The following LRRTM4 variants were observed in gnomAD, a reference collection of about 807,000 sequenced individuals.
The protein encoded by LRRTM4 is leucine-rich repeat transmembrane neuronal protein 4.
A neutral mutation model predicts 47.6 loss-of-function variants in LRRTM4; 25 were observed. That is an observed-to-expected ratio of 0.53 (90% confidence interval 0.38 to 0.73). LRRTM4 has a LOEUF of 0.73. LRRTM4 is among the 30% of genes least tolerant of loss of function. The pLI is 0.00. For synonymous variants in LRRTM4, 311 were observed against 269.5 expected (o/e 1.15, Z -1.51); for missense variants, 638 against 713.4 (o/e 0.89, Z 1.20).
At chr2:77,473,478 C>T (rs1278912640) in intron 3 of LRRTM4, among the ~76,000 whole-genome samples, 1 of 152,052 alleles carries the variant, frequency 6.6e-6, no homozygotes, top group African/African-American at 2.4e-5. Flanking sequence ...CACCTGATAG[C>T]TCTATTAGCC....
At chr2:76,797,440 T>G (rs990102384) in intron 3 of LRRTM4, among the ~76,000 whole-genome samples, 5 of 152,018 alleles carry the variant, frequency 3.3e-5, no homozygotes, top group African/African-American at 1.2e-4. Context: ...CCACCAGGCC[T>G]GCCCTAAAAG....
At chr2:77,344,790 C>T (rs2104283625) in intron 3 of LRRTM4, among the ~76,000 whole-genome samples, 1 of 151,674 alleles carries the variant, frequency 6.6e-6, no homozygotes, top group Non-Finnish European at 1.5e-5. Context: ...TGTAGAGTAA[C>T]CGGAGTTACT....
At chr2:77,373,861 G>A (rs1336094307) in intron 3 of LRRTM4, among the ~76,000 whole-genome samples, 1 of 151,700 alleles carries the variant, frequency 6.6e-6, no homozygotes, top group African/African-American at 2.4e-5. Flanking sequence ...AAACAGCTCA[G>A]GTTAACACCT....
chr2:76,823,267 T>C (rs1048599645), intron 3 of LRRTM4, among the ~76,000 whole-genome samples: 2 of 151,312 alleles, frequency 1.3e-5, no homozygotes, highest in African/African-American at 4.8e-5. Context: ...AAATTAGCAA[T>C]AAAGATTACC....
chr2:77,476,964 A>ATG (rs59247356), intron 3 of LRRTM4, among the ~76,000 whole-genome samples: 11,073 of 143,776 alleles, frequency 0.077, 1,220 homozygotes, highest in African/African-American at 0.25. Flanking sequence ...TTTGTAAGAG[A>ATG]TGTGTGTGTG....
chr2:77,076,546 A>T (rs1275334584), intron 3 of LRRTM4, among the ~76,000 whole-genome samples: 2 of 152,176 alleles, frequency 1.3e-5, no homozygotes, highest in East Asian at 1.9e-4. Context: ...TTGCTTAGTT[A>T]TAACAAATGA....
intron 3 of LRRTM4, among the ~76,000 whole-genome samples, chr2:77,002,065 C>T (rs1677450815): frequency 6.6e-6 from 1 of 152,168 alleles, no homozygotes; most frequent in Non-Finnish European, 1.5e-5. Context: ...TAACATTTTA[C>T]TCTCTTAGAA....
At chr2:76,904,732 A>C (rs1406195706) in intron 3 of LRRTM4, among the ~76,000 whole-genome samples, 2 of 152,216 alleles carry the variant, frequency 1.3e-5, no homozygotes, top group African/African-American at 4.8e-5. Context: ...ACCACCGTCA[A>C]GTTTTGTATG....
At chr2:76,872,648 G>A (rs541823232) in intron 3 of LRRTM4, among the ~76,000 whole-genome samples, 128 of 151,962 alleles carry the variant, frequency 8.4e-4, no homozygotes, top group Non-Finnish European at 1.7e-3. Flanking sequence ...TCCTGAGGGC[G>A]TGTATGATAC....
At chr2:77,180,884 G>A (rs1005506436) in intron 3 of LRRTM4, among the ~76,000 whole-genome samples, 1 of 152,098 alleles carries the variant, frequency 6.6e-6, no homozygotes, top group Admixed American at 6.6e-5. Context: ...GATAAGGCAT[G>A]AATGATAAAC....
chr2:77,365,958 A>T (rs998168251), intron 3 of LRRTM4, among the ~76,000 whole-genome samples: 37 of 149,478 alleles, frequency 2.5e-4, no homozygotes, highest in African/African-American at 8.8e-4. Flanking sequence ...ATATATATAA[A>T]ATCTAAATAA....
intron 3 of LRRTM4, among the ~76,000 whole-genome samples, chr2:77,226,314 A>C (rs1162954413): frequency 6.6e-6 from 1 of 151,800 alleles, no homozygotes; most frequent in Non-Finnish European, 1.5e-5. Flanking sequence ...AGAATCACAA[A>C]GCAAAAGTAA....
intron 3 of LRRTM4, among the ~76,000 whole-genome samples, chr2:77,431,881 C>T (rs757649992): frequency 6.7e-6 from 1 of 149,724 alleles, no homozygotes; most frequent in Non-Finnish European, 1.5e-5. Context: ...CGAGACCATC[C>T]TGGCCAACAT....
Position 77,244,737 on chromosome 2 carries a change from C to T in LRRTM4, c.1551+273581G>A, listed in dbSNP as rs1675383680. Among the ~76,000 whole-genome samples the T allele has an allele frequency of 1.3e-5, 2 of 152,204 alleles. 1 individual carries two copies. Among genetic ancestry groups the T allele is most frequent in the South Asian group, 4.1e-4 (2 of 4,832 alleles). On this transcript the variant is annotated intron_variant, in intron 3 of 3. Coordinates refer to ENST00000409884, the MANE Select transcript of LRRTM4 (RefSeq NM_001134745.3). Reference sequence around the variant, plus strand: ...AAAACTGTGAATTTCCTCTTGTTCTCATTCTATTTTGCTCCTCCCTTTCTC... The same window carrying T: ...AAAACTGTGAATTTCCTCTTGTTCTTATTCTATTTTGCTCCTCCCTTTCTC...
chr2:77,090,873 C>G (rs896318245), intron 3 of LRRTM4, among the ~76,000 whole-genome samples: 2 of 152,144 alleles, frequency 1.3e-5, no homozygotes, highest in African/African-American at 4.8e-5. Context: ...CGGCAGCCCC[C>G]TAGACCATCA....
intron 3 of LRRTM4, among the ~76,000 whole-genome samples, chr2:76,868,964 T>A (rs1344746666): frequency 6.6e-6 from 1 of 152,142 alleles, no homozygotes; most frequent in Non-Finnish European, 1.5e-5. Flanking sequence ...GCATGTCCAA[T>A]TGTTAACAGC....
At chr2:76,919,835 T>TA (rs1438361886) in intron 3 of LRRTM4, among the ~76,000 whole-genome samples, 1 of 152,182 alleles carries the variant, frequency 6.6e-6, no homozygotes, top group African/African-American at 2.4e-5. Flanking sequence ...AATTAAGTCT[T>TA]ACATATGACG....
chr2:77,153,120 A>G (rs1459036611), intron 3 of LRRTM4, among the ~76,000 whole-genome samples: 1 of 152,176 alleles, frequency 6.6e-6, no homozygotes, highest in Non-Finnish European at 1.5e-5. Context: ...TCTGCTGTCC[A>G]TTCTGCACCA....
chr2:76,925,220 TA>T, intron 3 of LRRTM4, among the ~76,000 whole-genome samples: 1 of 152,248 alleles, frequency 6.6e-6, no homozygotes, highest in South Asian at 2.1e-4. Context: ...AAGAATAAGT[TA>T]GAGATGCTTT....
Sources: gnomAD v4.1 joint callset for allele counts (sites outside exome capture counted in the v4.1 genomes callset) on GRCh38, gnomAD v4.1.1 for gene constraint, MANE v1.5 for transcripts, NCBI Gene and HGNC (gene_info 2026-07-23, HGNC 2026-07-21) for gene names.